The following ABCA12 variants were observed in gnomAD, a reference collection of about 807,000 sequenced individuals.
ABCA12 encodes the protein ATP binding cassette subfamily A member 12.
A neutral mutation model predicts 293.5 loss-of-function variants in ABCA12; 156 were observed. The observed-to-expected ratio is 0.53, with a 90% confidence interval of 0.47 to 0.61. The LOEUF (loss-of-function observed/expected upper bound fraction) is 0.61, where lower values mean the gene tolerates loss of function less well. Ranked by LOEUF, ABCA12 falls within the 20% of genes least tolerant of loss-of-function variation. The pLI is 0.00. For missense variants in ABCA12, 2,797 were observed against 3,090.2 expected (o/e 0.91, Z 2.25); for synonymous variants, 1,063 against 1,108.0 (o/e 0.96, Z 0.81).
chr2:215,049,833 G>A (rs1701282790), intron 5 of ABCA12, 22 bp from the exon 6 acceptor site: 1 of 1,592,810 alleles, frequency 6.3e-7, no homozygotes, highest in Non-Finnish European at 8.6e-7. Context: ...TGTGAAAAGA[G>A]TAAAATAAGA....
At chr2:214,936,526 A>G (rs1001637313) in intron 51 of ABCA12, among the ~76,000 whole-genome samples, 1 of 152,220 alleles carries the variant, frequency 6.6e-6, no homozygotes, top group Non-Finnish European at 1.5e-5. Flanking sequence ...ATCATCTTCT[A>G]CAAATTGCCT....
chr2:215,080,139 G>T (rs543302681), intron 2 of ABCA12, among the ~76,000 whole-genome samples: 2 of 152,108 alleles, frequency 1.3e-5, no homozygotes, highest in South Asian at 2.1e-4. Flanking sequence ...AGGAAAATAA[G>T]GTATATTATT....
Position 214,942,934 on chromosome 2 carries a change from A to G in ABCA12, c.7427T>C (p.Ile2476Thr), listed in dbSNP as rs1458995184. ...KFQCIGSLQH[I>T]KSRFGRGFTV... ...TGCATTTGTTCTTCACCTGCTCTTT[A>G]TGTGCTGCAAAGATCCAATACATTG... The change falls in exon 50 of 53, where the codon ATA becomes ACA. Residue 2476 changes from isoleucine (I) to threonine (T), a missense_variant. Physicochemically the swap from Ile to Thr is moderately conservative, Grantham distance 89 (BLOSUM62 -1). This residue lies in a region of ABCA12 where 2,130 missense variants were observed against 2,427.0 expected (regional missense o/e 0.88). Coordinates refer to ENST00000272895, the MANE Select transcript of ABCA12 (RefSeq NM_173076.3). 1.9e-6 allele frequency: 3 copies of G among 1,613,000 alleles called. No homozygotes were observed. The highest frequency in any genetic ancestry group is 1.7e-6 in the Non-Finnish European group (2 of 1,179,576).
intron 2 of ABCA12, among the ~76,000 whole-genome samples, chr2:215,084,144 A>G (rs991933875): frequency 5.3e-5 from 8 of 151,888 alleles, no homozygotes; most frequent in Non-Finnish European, 1.0e-4. Flanking sequence ...CACCTGGCCA[A>G]ATTTTTTTGT....
intron 4 of ABCA12, 137 bp downstream of exon 4, chr2:215,054,436 A>G: frequency 1.3e-6 from 1 of 743,560 alleles, no homozygotes; most frequent in Non-Finnish European, 2.3e-6. Context: ...GGCAACCATG[A>G]GGAACGTTTA....
intron 15 of ABCA12, among the ~76,000 whole-genome samples, chr2:215,014,038 G>A (rs931782658): frequency 4.6e-5 from 7 of 151,882 alleles, no homozygotes; most frequent in East Asian, 1.9e-4. Context: ...AAAATTAGCC[G>A]GGTGTGGTAG....
intron 2 of ABCA12, among the ~76,000 whole-genome samples, 164 bp from the exon 3 acceptor site, chr2:215,064,383 C>G (rs1318132322): frequency 6.6e-6 from 1 of 151,948 alleles, no homozygotes; most frequent in Non-Finnish European, 1.5e-5. Context: ...TGAGTAGGAG[C>G]AGTCTTGGAG....
intron 2 of ABCA12, among the ~76,000 whole-genome samples, chr2:215,088,194 A>G (rs188788390): frequency 6.6e-6 from 1 of 152,384 alleles, no homozygotes; most frequent in East Asian, 1.9e-4. Context: ...GAAAATAACT[A>G]GCATTAATAT....
At chr2:215,106,224 C>T (rs927220580) in intron 2 of ABCA12, among the ~76,000 whole-genome samples, 7 of 152,152 alleles carry the variant, frequency 4.6e-5, no homozygotes, top group African/African-American at 7.2e-5. Flanking sequence ...CTTAACAATT[C>T]GGGCGCTGGA....
At chr2:214,978,165 T>C in intron 33 of ABCA12, 151 bp downstream of exon 33, 1 of 891,100 alleles carries the variant, frequency 1.1e-6, no homozygotes, top group Non-Finnish European at 1.7e-6. Flanking sequence ...ATATTTTATA[T>C]CTTAAAAAAG....
intron 1 of ABCA12, among the ~76,000 whole-genome samples, chr2:215,136,400 A>C (rs763582732): frequency 2.6e-5 from 4 of 152,204 alleles, no homozygotes; most frequent in Non-Finnish European, 5.9e-5. Flanking sequence ...TTGTCATTAA[A>C]ATTTCTAAAG....
intron 15 of ABCA12, chr2:215,012,972 A>G (rs1700409402): frequency 6.6e-6 from 1 of 152,208 alleles, no homozygotes; most frequent in Non-Finnish European, 1.5e-5. Context: ...TAATCCCATA[A>G]TGCTTATGTG....
At chr2:214,943,764 C>G (rs186745135) in intron 49 of ABCA12, among the ~76,000 whole-genome samples, 5 of 152,248 alleles carry the variant, frequency 3.3e-5, no homozygotes, top group African/African-American at 4.8e-5. Flanking sequence ...TATACAGTCT[C>G]TAATTTCATG....
chr2:215,055,093 T>C (rs1182747540), intron 3 of ABCA12, among the ~76,000 whole-genome samples: 1 of 152,114 alleles, frequency 6.6e-6, no homozygotes, highest in African/African-American at 2.4e-5. Flanking sequence ...TGTTAAATTA[T>C]AGATGGCCTT....
At position 214,982,275 on chromosome 2, in the gene ABCA12, T is replaced by C. The variant is rs764994485; in HGVS notation, c.4491A>G (p.Ser1497=). The change falls in exon 30 of 53, where the codon TCA becomes TCG. Residue 1497 remains serine, a synonymous_variant. Transcript: ENST00000272895. ...LSISIALIGG[S]RVVILDEPST... is the part of the protein sequence containing the mutation. ...ATGGTTCATCCAAAATTACTACCCT[T>C]GATCCACCAATGAGAGCTATGGATA... The C allele has an allele frequency of 6.2e-7, 1 of 1,614,064 alleles. No homozygotes were observed. The highest frequency in any genetic ancestry group is 1.1e-5 in the South Asian group (1 of 91,074).
rs562891201 is a variant in ABCA12, at chr2:214,976,366, C to G, written c.5129-329G>C. 2.6e-5 allele frequency among the ~76,000 whole-genome samples: 4 copies of G among 152,204 alleles called. No homozygotes were observed. The South Asian group carries it at 8.3e-4, about 32-fold the overall frequency. On this transcript the variant is annotated intron_variant, in intron 33 of 52. Coordinates refer to ENST00000272895, the MANE Select transcript of ABCA12 (RefSeq NM_173076.3). The stretch of plus-strand genomic sequence containing the variant: ...TAGAATTTCATAAATGAATATTGAC[C>G]TCAAACCCTAAAGTCTCAATGCAGA...
chr2:214,937,832 G>T (rs887996411), intron 50 of ABCA12, among the ~76,000 whole-genome samples: 6 of 152,096 alleles, frequency 3.9e-5, no homozygotes, highest in African/African-American at 7.2e-5. Flanking sequence ...TATAAAATCA[G>T]AGTCTTTGGG....
chr2:214,948,984 A>G (rs551218693), intron 46 of ABCA12, 56 bp downstream of exon 46: 54 of 1,432,774 alleles, frequency 3.8e-5, no homozygotes, highest in South Asian at 2.4e-4. Flanking sequence ...CATTTCAATT[A>G]TTTTTCTCAT....
rs566999901 is a variant in ABCA12, at chr2:214,978,332, A to G, written c.5112T>C (p.Asn1704=). ...GATTCATACCATCTCTGTCTGTGAA[A>G]TTGCTGCTGCTCACAGATAAATCGT... ...TPDDLSVSSS[N]FTDRDDKILT... is the part of the protein sequence containing the mutation. The change falls in exon 33 of 53, where the codon AAT becomes AAC. Residue 1704 remains asparagine (N), a synonymous_variant. Coordinates refer to ENST00000272895, the MANE Select transcript of ABCA12 (RefSeq NM_173076.3). The G allele has an allele frequency of 1.2e-5, 19 of 1,614,046 alleles. No homozygotes were observed. The highest frequency in any genetic ancestry group is 1.7e-4 in the Middle Eastern group (1 of 6,060).
Sources: gnomAD v4.1 joint callset for allele counts (sites outside exome capture counted in the v4.1 genomes callset) on GRCh38, gnomAD v4.1.1 for gene constraint, gnomAD v4.1.1 regional missense constraint, MANE v1.5 for transcripts, NCBI Gene and HGNC (gene_info 2026-07-23, HGNC 2026-07-21) for gene names.